The following PROM1 variants were observed in gnomAD, a reference collection of about 807,000 sequenced individuals.
The protein encoded by PROM1 is prominin 1.
A neutral mutation model predicts 116.9 loss-of-function variants in PROM1; 105 were observed. The observed-to-expected ratio is 0.90, with a 90% CI of 0.77 to 1.06. The LOEUF (loss-of-function observed/expected upper bound fraction) is 1.06, where lower values mean the gene tolerates loss of function less well. Among genes scored for constraint, PROM1 ranks in the 50% least tolerant of loss-of-function variants. The pLI is 0.00. For synonymous variants in PROM1, 393 were observed against 387.0 expected (o/e 1.02, Z -0.18); for missense variants, 1,122 against 1,045.2 (o/e 1.07, Z -1.01).
At chr4:15,977,052 C>T (rs931108444) in intron 26 of PROM1, among the ~76,000 whole-genome samples, 2 of 152,214 alleles carry the variant, frequency 1.3e-5, no homozygotes, top group African/African-American at 2.4e-5. Context: ...CCTGCCTAGT[C>T]GGGCCAAGGC....
intron 1 of PROM1, among the ~76,000 whole-genome samples, chr4:16,081,735 G>A (rs1327729235): frequency 6.6e-6 from 1 of 152,102 alleles, no homozygotes; most frequent in East Asian, 1.9e-4. Flanking sequence ...ATTTTAAACA[G>A]TACCAACTTG....
intron 2 of PROM1, among the ~76,000 whole-genome samples, chr4:16,069,814 C>T (rs1742386936): frequency 6.6e-6 from 1 of 152,084 alleles, no homozygotes; most frequent in Admixed American, 6.5e-5. Context: ...AATCAGAATA[C>T]ATTCAGAACG....
intron 8 of PROM1, 137 bp from the exon 9 acceptor site, chr4:16,018,677 T>A: frequency 1.4e-6 from 1 of 720,852 alleles, no homozygotes; most frequent in South Asian, 1.7e-5. Context: ...AGGGGCAGTC[T>A]GAGAGGGGAA....
At chr4:16,075,510 G>A (rs555344880) in intron 2 of PROM1, among the ~76,000 whole-genome samples, 177 bp downstream of exon 2, 20 of 152,090 alleles carry the variant, frequency 1.3e-4, no homozygotes, top group Non-Finnish European at 2.8e-4. Context: ...AACATTCCTC[G>A]CAACCTATGT....
chr4:16,000,674 C>T (rs538852698), intron 13 of PROM1, 55 bp from the exon 14 acceptor site: 6 of 1,390,344 alleles, frequency 4.3e-6, no homozygotes, highest in South Asian at 1.4e-5. Flanking sequence ...ATATTACCTA[C>T]TGATACTTAC....
At chr4:15,986,067 A>G (rs1361377144) in intron 20 of PROM1, 30 bp from the exon 21 acceptor site, 2 of 1,458,480 alleles carry the variant, frequency 1.4e-6, no homozygotes, top group Non-Finnish European at 1.9e-6. Context: ...TTATCAGGGT[A>G]TCAAGTCATA....
chr4:16,035,620 G>A (rs1245101911), intron 4 of PROM1, 115 bp downstream of exon 4: 1 of 1,028,162 alleles, frequency 9.7e-7, no homozygotes, highest in Non-Finnish European at 1.5e-6. Flanking sequence ...AAGGTTAAAA[G>A]TGATGGTAAA....
chr4:16,039,694 C>T (rs182880472), intron 2 of PROM1, among the ~76,000 whole-genome samples: 1 of 149,522 alleles, frequency 6.7e-6, no homozygotes, highest in Admixed American at 6.7e-5. Context: ...GCCGAAATCG[C>T]GCCACTGCAC....
At chr4:16,080,797 G>A (rs1194101959) in intron 1 of PROM1, 1 of 152,230 alleles carries the variant, frequency 6.6e-6, no homozygotes, top group East Asian at 1.9e-4. Context: ...GGGCCAATCA[G>A]AAGCTTTCTT....
intron 8 of PROM1, 48 bp from the exon 9 acceptor site, chr4:16,018,588 C>T (rs752393904): frequency 1.3e-5 from 20 of 1,519,864 alleles, no homozygotes; most frequent in Middle Eastern, 4.6e-4. Flanking sequence ...AGTCCCTCCT[C>T]ATCTACAAAA....
At chr4:16,075,029 T>A (rs1338053548) in intron 2 of PROM1, among the ~76,000 whole-genome samples, 1 of 152,198 alleles carries the variant, frequency 6.6e-6, no homozygotes, top group Middle Eastern at 3.2e-3. Flanking sequence ...TCATAATCCC[T>A]TTTCTATGAA....
Position 15,985,976 on chromosome 4 carries a change from G to C in PROM1, c.2192C>G (p.Thr731Ser). Residue 731 changes from threonine (T) to serine (S), a missense_variant, in exon 21 of 28, where the codon ACT becomes AGT. By Grantham distance (58) the Thr-to-Ser change is moderately conservative. Transcript: ENST00000447510. ...GCTCACCTCAATAATAACAGAGGAA[G>C]TATTGTTTGTGATGAAGTTCTGAGC... ...DFAQNFITNNTSSVIIEETKK... is the reference protein window; with the variant it reads ...DFAQNFITNNSSSVIIEETKK... 1 of 1,293,864 alleles carries C rather than the reference G, an allele frequency of 7.7e-7. No individual in the cohort carries two copies. Among genetic ancestry groups the C allele is most frequent in the Non-Finnish European group, 1.0e-6 (1 of 986,516 alleles). The allele number at this position is 1,293,864 out of a possible 1,614,324, so 80.1% of individuals were successfully genotyped here.
intron 2 of PROM1, among the ~76,000 whole-genome samples, chr4:16,059,320 G>T (rs1158387857): frequency 6.6e-6 from 1 of 152,142 alleles, no homozygotes; most frequent in Non-Finnish European, 1.5e-5. Context: ...CAAGACAGTA[G>T]ACAAAATTCA....
intron 27 of PROM1, among the ~76,000 whole-genome samples, chr4:15,969,923 C>G (rs1713987816): frequency 6.6e-6 from 1 of 152,058 alleles, no homozygotes; most frequent in Non-Finnish European, 1.5e-5. Context: ...GGTTGGTACA[C>G]AGATTTCTAT....
intron 8 of PROM1, among the ~76,000 whole-genome samples, chr4:16,020,374 TTCA>T (rs1284576323): frequency 6.6e-6 from 1 of 152,222 alleles, no homozygotes; most frequent in Non-Finnish European, 1.5e-5. Flanking sequence ...GTATCAGTTT[TTCA>T]TCTCTCCCAC....
At chr4:16,066,298 A>G (rs1006526587) in intron 2 of PROM1, among the ~76,000 whole-genome samples, 4 of 152,216 alleles carry the variant, frequency 2.6e-5, no homozygotes, top group Non-Finnish European at 5.9e-5. Context: ...ATAAATATGG[A>G]TTTTATACAT....
At chr4:16,040,484 A>G (rs1381433146) in intron 2 of PROM1, among the ~76,000 whole-genome samples, 1 of 152,234 alleles carries the variant, frequency 6.6e-6, no homozygotes, top group African/African-American at 2.4e-5. Context: ...TCACTGAATG[A>G]AAGAGTCTAC....
At chr4:16,076,293 C>CAA (rs1325391183) in intron 1 of PROM1, 175 bp from the exon 2 acceptor site, 1 of 189,614 alleles carries the variant, frequency 5.3e-6, no homozygotes, top group East Asian at 1.2e-4. Context: ...GTGCTGGCAT[C>CAA]AAAGCCATGA....
chr4:15,975,791 T>C (rs1198386255), intron 26 of PROM1, among the ~76,000 whole-genome samples: 1 of 152,186 alleles, frequency 6.6e-6, no homozygotes, highest in Non-Finnish European at 1.5e-5. Flanking sequence ...CCAGGAGACT[T>C]GCCAGGGTTC....
Sources: allele counts gnomAD v4.1 joint callset (sites outside exome capture counted in the v4.1 genomes callset), GRCh38; gene constraint gnomAD v4.1.1; transcripts MANE v1.5; gene names NCBI Gene and HGNC (gene_info 2026-07-23, HGNC 2026-07-21).